ZNF678: variants seen among roughly 807,000 people sequenced by gnomAD.
The protein encoded by ZNF678 is zinc finger protein 678, also known as hypothetical protein MGC42493.
Under a neutral mutation model 3.0 loss-of-function variants are expected in ZNF678, and 5 were observed. The ratio of observed to expected loss-of-function variants is 1.69; its 90% CI spans 0.88 to 3.56. The LOEUF (loss-of-function observed/expected upper bound fraction) is 3.56, where lower values mean the gene tolerates loss of function less well. ZNF678 is among the 30% of genes most tolerant of loss of function. The pLI is 0.00. For missense variants in ZNF678, 593 were observed against 605.0 expected (o/e 0.98, Z 0.21); for synonymous variants, 218 against 199.6 (o/e 1.09, Z -0.78).
At chr1:227,626,303 A>G (rs1191339441) in intron 1 of ZNF678, among the ~76,000 whole-genome samples, 22 of 152,190 alleles carry the variant, frequency 1.4e-4, no homozygotes, top group Admixed American at 1.4e-3. Context: ...GGCAGTATCT[A>G]GGGTTTGACT....
chr1:227,601,484 T>C (rs532347095), intron 1 of ZNF678, among the ~76,000 whole-genome samples: 30 of 151,872 alleles, frequency 2.0e-4, no homozygotes, highest in Middle Eastern at 3.4e-3. Context: ...TTTTTCTTTT[T>C]TTTTTTCTTT....
intron 1 of ZNF678, among the ~76,000 whole-genome samples, chr1:227,573,421 C>G (rs1656905554): frequency 6.6e-6 from 1 of 152,172 alleles, no homozygotes; most frequent in African/African-American, 2.4e-5. Flanking sequence ...AATGCATACA[C>G]TAATTTATTC....
Position 227,658,436 on chromosome 1 carries a change from T to G in ZNF678, c.*2608T>G, listed in dbSNP as rs1659306946. 1 of 152,088 alleles carries G rather than the reference T, an allele frequency of 6.6e-6. No homozygotes were observed. Among genetic ancestry groups the G allele is most frequent in the Non-Finnish European group, 1.5e-5 (1 of 67,952 alleles). The allele number at this position is 152,088 out of a possible 1,614,324, so 9.4% of individuals were successfully genotyped here. On this transcript the variant is annotated 3_prime_UTR_variant, in exon 4 of 4. Coordinates refer to ENST00000343776, the MANE Select transcript of ZNF678 (RefSeq NM_001367909.1). ...ATAAAGAGATGGCATTAACTCTGCA[T>G]GTAAAGAAAACACATGTATACCCAG...
Position 227,563,579 on chromosome 1 carries a change from G to A in ZNF678, c.-309G>A, listed in dbSNP as rs1247900554. On this transcript the variant is annotated 5_prime_UTR_variant, in exon 1 of 4. Transcript: ENST00000343776. ...GCCTTTGTCTTGTGCTCCAGCTGGAGCTTTGGTCCCGTATTCTCGGCTATT... is the reference window on the plus strand; with the variant it reads ...GCCTTTGTCTTGTGCTCCAGCTGGAACTTTGGTCCCGTATTCTCGGCTATT... 1.2e-6 allele frequency: 1 copy of A among 852,142 alleles called. No individual in the cohort carries two copies. Among genetic ancestry groups the A allele is most frequent in the East Asian group, 6.2e-5 (1 of 16,004 alleles). The allele number at this position is 852,142 out of a possible 1,614,324, so 52.8% of individuals were successfully genotyped here. A position where few individuals can be genotyped will look rare whatever the true frequency, so the allele number is the denominator to read the frequency against.
downstream of ZNF678, among the ~76,000 whole-genome samples, chr1:227,678,144 A>G (rs548385639): frequency 1.3e-5 from 2 of 152,204 alleles, no homozygotes; most frequent in Admixed American, 6.5e-5. Flanking sequence ...TAAAGGATCT[A>G]AGGCAAACCT....
chr1:227,643,863 C>CTTTTTTTTTTT (rs554280668), intron 1 of ZNF678, among the ~76,000 whole-genome samples: 36 of 115,378 alleles, frequency 3.1e-4, no homozygotes, highest in Non-Finnish European at 4.1e-4. Flanking sequence ...CTTTTCTTTT[C>CTTTTTTTTTTT]TTTTTTTTTT....
chr1:227,598,776 T>C, intron 1 of ZNF678: 1 of 535,976 alleles, frequency 1.9e-6, no homozygotes, highest in South Asian at 1.7e-5. Flanking sequence ...CTTTCTCTGT[T>C]TTCCTTGTTT....
chr1:227,578,444 C>G (rs1004116657), intron 1 of ZNF678, among the ~76,000 whole-genome samples: 1 of 151,884 alleles, frequency 6.6e-6, no homozygotes, highest in African/African-American at 2.4e-5. Flanking sequence ...CCTTTTAACT[C>G]TTTTTTTTAC....
intron 5 of ZNF678, among the ~76,000 whole-genome samples, chr1:227,675,506 T>C (rs1659664502): frequency 6.6e-6 from 1 of 152,246 alleles, no homozygotes; most frequent in Non-Finnish European, 1.5e-5. Context: ...GAACTATTTC[T>C]AAATTCTTTG....
intron 1 of ZNF678, among the ~76,000 whole-genome samples, chr1:227,616,779 A>G (rs1658151905): frequency 6.6e-6 from 1 of 152,128 alleles, no homozygotes; most frequent in Non-Finnish European, 1.5e-5. Context: ...TGCAGAAAAA[A>G]TCTATAAGCT....
At chr1:227,647,796 A>G (rs534206406) in intron 2 of ZNF678, among the ~76,000 whole-genome samples, 23 of 152,292 alleles carry the variant, frequency 1.5e-4, no homozygotes, top group African/African-American at 5.5e-4. Context: ...CTGCTTTTCC[A>G]TTGCTTTGTG....
In ZNF678 at chr1:227,656,875, A is replaced by G. The variant is rs1036010519; in HGVS notation, c.*1047A>G. The G allele has an allele frequency of 6.6e-6, 1 of 151,982 alleles. No individual in the cohort carries two copies. The highest frequency in any genetic ancestry group is 2.4e-5 in the African/African-American group (1 of 41,432). The allele number at this position is 151,982 out of a possible 1,614,324, so 9.4% of individuals were successfully genotyped here. A position where few individuals can be genotyped will look rare whatever the true frequency, so the allele number is the denominator to read the frequency against. On this transcript the variant is annotated 3_prime_UTR_variant, in exon 4 of 4. Coordinates refer to ENST00000343776, the MANE Select transcript of ZNF678 (RefSeq NM_001367909.1). ...ATTGAATGAAGTATATCTTGCCACA[A>G]TAATTAACCTATACCACCTTACCCA...
chr1:227,669,958 C>T (rs1233873408), intron 5 of ZNF678, among the ~76,000 whole-genome samples: 2 of 151,868 alleles, frequency 1.3e-5, no homozygotes, highest in Admixed American at 6.6e-5. Context: ...TCTAGGTGCC[C>T]GACAATGCTG....
intron 1 of ZNF678, among the ~76,000 whole-genome samples, chr1:227,620,712 A>G (rs891053046): frequency 1.3e-5 from 2 of 152,228 alleles, no homozygotes; most frequent in African/African-American, 4.8e-5. Context: ...ATTGGTTTTC[A>G]AAAATAATAT....
downstream of ZNF678, among the ~76,000 whole-genome samples, chr1:227,662,763 G>A (rs111944932): frequency 2.6e-5 from 4 of 152,124 alleles, no homozygotes; most frequent in African/African-American, 9.7e-5. Context: ...AGAGACTGCT[G>A]GGGACACTAT....
At chr1:227,590,727 C>G (rs2102737878) in intron 1 of ZNF678, among the ~76,000 whole-genome samples, 1 of 151,866 alleles carries the variant, frequency 6.6e-6, no homozygotes, top group Middle Eastern at 3.4e-3. Context: ...AGTGTAGGCT[C>G]TATGTCCACA....
At chr1:227,636,300 C>T (rs948208079) in intron 1 of ZNF678, among the ~76,000 whole-genome samples, 4 of 152,138 alleles carry the variant, frequency 2.6e-5, no homozygotes, top group Non-Finnish European at 5.9e-5. Context: ...TTTCTAGAAC[C>T]GTTTTTCTGT....
At chr1:227,629,155 A>G (rs1261832125) in intron 1 of ZNF678, among the ~76,000 whole-genome samples, 1 of 152,198 alleles carries the variant, frequency 6.6e-6, no homozygotes, top group African/African-American at 2.4e-5. Context: ...TAGGTCCTTA[A>G]CAATCTTTTG....
chr1:227,643,959 G>C (rs954050777), intron 1 of ZNF678, among the ~76,000 whole-genome samples: 5 of 150,518 alleles, frequency 3.3e-5, no homozygotes, highest in African/African-American at 1.2e-4. Context: ...CGCCCTCCGG[G>C]TTCAAGTGAT....
Sources: allele counts gnomAD v4.1 joint callset (sites outside exome capture counted in the v4.1 genomes callset), GRCh38; gene constraint gnomAD v4.1.1; transcripts MANE v1.5; gene names NCBI Gene and HGNC (gene_info 2026-07-23, HGNC 2026-07-21).